Variants in PAPLN observed in about 807,000 individuals in gnomAD.
The protein encoded by PAPLN is papilin.
A neutral mutation model predicts 159.0 loss-of-function variants in PAPLN; 146 were observed. The observed-to-expected ratio is 0.92, with a 90% CI of 0.80 to 1.05. PAPLN has a LOEUF of 1.05. PAPLN is among the 50% of genes least tolerant of loss of function. The pLI is 0.00. For missense variants in PAPLN, 1,720 were observed against 1,743.9 expected (o/e 0.99, Z 0.24); for synonymous variants, 734 against 702.9 (o/e 1.04, Z -0.70).
At chr14:73,262,275 G>T in intron 18 of PAPLN, 75 bp from the exon 19 acceptor site, 2 of 1,408,862 alleles carry the variant, frequency 1.4e-6, no homozygotes. Flanking sequence ...TTCCTGAGTC[G>T]GAGGCTGAGA....
At chr14:73,255,159 G>A (rs947627940) in intron 14 of PAPLN, 141 bp downstream of exon 14, 39 of 1,258,474 alleles carry the variant, frequency 3.1e-5, no homozygotes, top group Middle Eastern at 4.0e-4. Flanking sequence ...GTCTCCCCCC[G>A]CTGAACCCTT....
At chr14:73,268,911 G>A (rs1471396973) in intron 26 of PAPLN, among the ~76,000 whole-genome samples, 188 bp downstream of exon 26, 1 of 152,176 alleles carries the variant, frequency 6.6e-6, no homozygotes, top group Non-Finnish European at 1.5e-5. Context: ...CTACAGTGGG[G>A]CTGCTCCACC....
chr14:73,254,386 C>A, intron 12 of PAPLN, 127 bp from the exon 13 acceptor site: 2 of 1,190,422 alleles, frequency 1.7e-6, no homozygotes, highest in Admixed American at 2.0e-5. Flanking sequence ...CCTCTCTGGG[C>A]CTGGGAAGGA....
chr14:73,253,204 G>A (rs762540858), intron 11 of PAPLN: 2 of 1,360,116 alleles, frequency 1.5e-6, no homozygotes, highest in Non-Finnish European at 1.9e-6. Context: ...CCTTGCTGGG[G>A]CCCAGCGAGT....
intron 5 of PAPLN, 31 bp downstream of exon 5, chr14:73,246,206 G>T: frequency 1.3e-6 from 2 of 1,538,496 alleles, no homozygotes; most frequent in Non-Finnish European, 1.7e-6. Flanking sequence ...CTCTCTCGGG[G>T]CCTCTTGTAT....
In PAPLN at chr14:73,239,807, T is replaced by A. The variant is rs1438217712; in HGVS notation, c.29T>A (p.Leu10Gln). Reference protein sequence around the residue: MRLLLLVPLLLAPAPGSSAP... With the variant: MRLLLLVPLQLAPAPGSSAP... Reference sequence around the variant, plus strand: ...CGGCTGCTCCTGCTCGTGCCGCTGCTGCTGGCTCCAGCGCCCGGGTCCTCG... The same window carrying A: ...CGGCTGCTCCTGCTCGTGCCGCTGCAGCTGGCTCCAGCGCCCGGGTCCTCG... The change falls in exon 2 of 27, where the codon CTG becomes CAG. Residue 10 changes from leucine to glutamine, a missense_variant. Transcript: ENST00000644200. The A allele has an allele frequency of 6.3e-7, 1 of 1,595,286 alleles. No individual in the cohort carries two copies.
intron 14 of PAPLN, 135 bp downstream of exon 14, chr14:73,255,153 C>A: frequency 1.6e-6 from 2 of 1,276,700 alleles, no homozygotes; most frequent in Non-Finnish European, 2.1e-6. Flanking sequence ...TCCCATGTCT[C>A]CCCCCGCTGA....
rs747953304 is a variant in PAPLN, at chr14:73,251,047, C to T, written c.589+17C>T. On this transcript the variant is annotated intron_variant, in intron 7 of 26. Coordinates refer to ENST00000644200, the MANE Select transcript of PAPLN (RefSeq NM_001365906.3). ...TCAGCCGAGGTGGGGGTGGTTCCGACAAGGGGCAGTTGCCTGCCCCCTTCC... is the reference window on the plus strand; with the variant it reads ...TCAGCCGAGGTGGGGGTGGTTCCGATAAGGGGCAGTTGCCTGCCCCCTTCC... 1 of 1,603,850 alleles carries T rather than the reference C, an allele frequency of 6.2e-7. No individual in the cohort carries two copies. The highest frequency in any genetic ancestry group is 8.5e-7 in the Non-Finnish European group (1 of 1,175,214).
chr14:73,263,586 G>A, intron 19 of PAPLN, 59 bp from the exon 20 acceptor site: 1 of 1,609,068 alleles, frequency 6.2e-7, no homozygotes, highest in East Asian at 2.2e-5. Flanking sequence ...ACACTGCTTA[G>A]GGTGGTTCTG....
intron 20 of PAPLN, 88 bp downstream of exon 20, chr14:73,263,870 C>T (rs1196722033): frequency 7.0e-7 from 1 of 1,422,472 alleles, no homozygotes; most frequent in African/African-American, 1.4e-5. Context: ...CCCCCACCTC[C>T]TCTGATAGGT....
At chr14:73,248,015 TG>T (rs1884748679) in intron 5 of PAPLN, among the ~76,000 whole-genome samples, 2 of 87,530 alleles carry the variant, frequency 2.3e-5, no homozygotes, top group East Asian at 3.5e-4. Flanking sequence ...TGTGTGTGTG[TG>T]TGTGTGTGTG....
intron 2 of PAPLN, chr14:73,243,715 G>A (rs1486468294): frequency 3.9e-5 from 6 of 152,244 alleles, no homozygotes; most frequent in Admixed American, 6.5e-5. Flanking sequence ...AATCTTTCTG[G>A]TGGGAAAGTG....
At chr14:73,264,884 TG>T (rs747890144) in intron 22 of PAPLN, among the ~76,000 whole-genome samples, 158 bp downstream of exon 22, 6 of 152,242 alleles carry the variant, frequency 3.9e-5, no homozygotes, top group Non-Finnish European at 7.3e-5. Context: ...CTCCCAGAGC[TG>T]GGCCTCTTGA....
At position 73,245,629 on chromosome 14, in the gene PAPLN, C is replaced by G; in HGVS notation, c.171-7C>G. Reference sequence around the variant, plus strand: ...GGTCAGGTCTTCCCGGTGCTCTGGTCCCGCAGGAGAGATGGAGGCTCCAGC... The same window carrying G: ...GGTCAGGTCTTCCCGGTGCTCTGGTGCCGCAGGAGAGATGGAGGCTCCAGC... On this transcript the variant is annotated splice_polypyrimidine_tract_variant and splice_region_variant and intron_variant, in intron 3 of 26. Transcript: ENST00000644200. This position sits in a 1 kb window ranked among gnomAD's most constrained non-coding sequence, Gnocchi z 4.2. The G allele has an allele frequency of 6.4e-7, 1 of 1,556,986 alleles. No homozygotes were observed. Among genetic ancestry groups the G allele is most frequent in the South Asian group, 1.2e-5 (1 of 84,670 alleles).
Position 73,251,556 on chromosome 14 carries a change from G to T in PAPLN, c.660G>T (p.Arg220Ser). Residue 220 changes from arginine to serine, a missense_variant, in exon 8 of 27, where the codon AGG (arginine) becomes AGT (serine). By Grantham distance (110) the Arg-to-Ser change is moderately radical. Coordinates refer to ENST00000644200, the MANE Select transcript of PAPLN (RefSeq NM_001365906.3). ...TCATCGACGAGGCTGCTGCCAGCAGGAACTTCCTGGGTGAGAGCCTAGGGT... is the reference window on the plus strand; with the variant it reads ...TCATCGACGAGGCTGCTGCCAGCAGTAACTTCCTGGGTGAGAGCCTAGGGT... ...SILIDEAAAS[R>S]NFLAVKNVRG... 1 of 1,612,930 alleles carries T rather than the reference G, an allele frequency of 6.2e-7. No homozygotes were observed.
rs1974160757 is a variant in PAPLN at position 73,245,888 on chromosome 14, C to T, written c.232-185C>T. 1 of 877,688 alleles carries T rather than the reference C, an allele frequency of 1.1e-6. No individual in the cohort carries two copies. The allele number at this position is 877,688 out of a possible 1,614,324, so 54.4% of individuals were successfully genotyped here. A position where few individuals can be genotyped will look rare whatever the true frequency, so the allele number is the denominator to read the frequency against. On this transcript the variant is annotated intron_variant, in intron 4 of 26. Coordinates refer to ENST00000644200, the MANE Select transcript of PAPLN (RefSeq NM_001365906.3). This position sits in a 1 kb window ranked among gnomAD's most constrained non-coding sequence, Gnocchi z 4.2. ...TCCCGGGGACTGGCCTTGCCCTCCA[C>T]AGCCTAGAGCACCATGGAGGGGCAC...
chr14:73,257,753 C>CTTTTTTTTTTTTTTTTTTTTT lies in PAPLN; in HGVS notation c.1628-1218_1628-1198dup, dbSNP rs562890068. 6.6e-5 allele frequency among the ~76,000 whole-genome samples: 6 copies of CTTTTTTTTTTTTTTTTTTTTT among 91,256 alleles called. 1 individual carries two copies. The highest frequency in any genetic ancestry group is 3.8e-4 in the South Asian group (1 of 2,612). The allele number at this position is 91,256 out of a possible 152,430, so 59.9% of individuals were successfully genotyped here. On this transcript the variant is annotated intron_variant, in intron 14 of 26. Transcript: ENST00000644200. ...GTTTTCATTATCTAGTCTCTTTCTT[C>CTTTTTTTTTTTTTTTTTTTTT]TTTTTTTTTTTTTTTTTTTTTTTTT...
At chr14:73,255,114 C>A in intron 14 of PAPLN, 96 bp downstream of exon 14, 1 of 1,468,812 alleles carries the variant, frequency 6.8e-7, no homozygotes, top group East Asian at 2.5e-5. Context: ...CCTCTGCCTG[C>A]ACTGTGTCAT....
intron 25 of PAPLN, 154 bp from the exon 26 acceptor site, chr14:73,268,403 C>T (rs536068408): frequency 1.4e-6 from 1 of 737,160 alleles, no homozygotes; most frequent in South Asian, 2.2e-5. Context: ...AACCTAGAAA[C>T]CTTGGTCATT....
Sources: gnomAD v4.1 joint callset for allele counts (sites outside exome capture counted in the v4.1 genomes callset) on GRCh38, gnomAD v4.1.1 for gene constraint, Gnocchi (gnomAD v3.1) non-coding constraint, MANE v1.5 for transcripts, NCBI Gene and HGNC (gene_info 2026-07-23, HGNC 2026-07-21) for gene names.